Variants in NCAPD2 observed in about 807,000 individuals in gnomAD.
NCAPD2 encodes the protein non-SMC condensin I complex subunit D2.
In NCAPD2, 100 loss-of-function variants were observed where a neutral mutation model predicts 164.5. The ratio of observed to expected loss-of-function variants is 0.61; its 90% CI spans 0.52 to 0.72. The LOEUF (loss-of-function observed/expected upper bound fraction) is 0.72, where lower values mean the gene tolerates loss of function less well. NCAPD2 is among the 30% of genes least tolerant of loss of function. The pLI is 0.00. For synonymous variants in NCAPD2, 585 were observed against 642.6 expected, an observed-to-expected ratio of 0.91 and a Z score of 1.36; for missense variants, 1,560 against 1,749.2, an observed-to-expected ratio of 0.89 and a Z score of 1.93.
At chr12:6,523,398 G>GGT (rs758507718) in intron 17 of NCAPD2, 52 bp downstream of exon 17, 16 of 871,554 alleles carry the variant, frequency 1.8e-5, no homozygotes, top group Non-Finnish European at 2.5e-5. Context: ...TATTTTGGTT[G>GGT]TTTTTTTTTT....
chr12:6,528,159 C>T lies in NCAPD2; in HGVS notation c.3144-14C>T. 1.2e-6 allele frequency: 2 copies of T among 1,614,214 alleles called. No individual in the cohort carries two copies. Among genetic ancestry groups the T allele is most frequent in the Non-Finnish European group, 1.7e-6 (2 of 1,180,040 alleles). The stretch of plus-strand genomic sequence containing the variant: ...ATGAAATGGCTTCCCTAATGATCCT[C>T]TTCTTGCTCTTAGTGCCACTTTCTG... On this transcript the variant is annotated splice_polypyrimidine_tract_variant and intron_variant, in intron 24 of 31. Transcript: ENST00000315579. The surrounding 1 kb of genome is among the most constrained non-coding windows in gnomAD (Gnocchi z 5.1).
Position 6,517,381 on chromosome 12 carries a change from G to A in NCAPD2, c.1202G>A (p.Arg401His), listed in dbSNP as rs745684361. The A allele has an allele frequency of 1.1e-5, 18 of 1,613,998 alleles. No individual in the cohort carries two copies. The highest frequency in any genetic ancestry group is 5.3e-5 in the African/African-American group (4 of 74,926). ...CCTACACAGGCTCTCCCCCTGACAC[G>A]TTTCCAGGCAGTGGTGGCTTTAGCT... ...IVQQKALPLT[R>H]FQAVVALAVG... The change falls in exon 11 of 32, where the codon CGT becomes CAT. Residue 401 changes from arginine (R) to histidine (H), a missense_variant. Arg to His is a conservative substitution (Grantham distance 29). Coordinates refer to ENST00000315579, the MANE Select transcript of NCAPD2 (RefSeq NM_014865.4).
Position 6,527,906 on chromosome 12 carries a change from A to G in NCAPD2, c.3019+18A>G. 1 of 1,613,892 alleles carries G rather than the reference A, an allele frequency of 6.2e-7. No homozygotes were observed. Among genetic ancestry groups the G allele is most frequent in the Non-Finnish European group, 8.5e-7 (1 of 1,179,788 alleles). On this transcript the variant is annotated intron_variant, in intron 23 of 31. Transcript: ENST00000315579. ...GTTGGATGGTAAGAAAAATGGCTGCACTCAGCAGTTTCTTCCCAATTAAGA... is the reference window on the plus strand; with the variant it reads ...GTTGGATGGTAAGAAAAATGGCTGCGCTCAGCAGTTTCTTCCCAATTAAGA...
At chr12:6,510,044 G>A (rs746332966) in intron 3 of NCAPD2, 31 bp from the exon 4 acceptor site, 1 of 1,606,288 alleles carries the variant, frequency 6.2e-7, no homozygotes, top group Non-Finnish European at 8.5e-7. Flanking sequence ...GCTCCTTCCT[G>A]TCTCACCCCC....
chr12:6,528,516 T>C lies in NCAPD2; in HGVS notation c.3300-163T>C. 1.8e-6 allele frequency: 2 copies of C among 1,128,872 alleles called. No individual in the cohort carries two copies. The highest frequency in any genetic ancestry group is 1.5e-5 in the South Asian group (1 of 67,178). 69.9% of individuals were successfully genotyped at this position (1,128,872 alleles called of 1,614,324 possible). On this transcript the variant is annotated intron_variant, in intron 25 of 31. Transcript: ENST00000315579. This position sits in a 1 kb window ranked among gnomAD's most constrained non-coding sequence, Gnocchi z 5.1. Reference sequence around the variant, plus strand: ...GGGACTGACACTTCTGGTTAGAAGCTTCACCTCTTTCCCCCACTCCAGCTT... The same window carrying C: ...GGGACTGACACTTCTGGTTAGAAGCCTCACCTCTTTCCCCCACTCCAGCTT...
chr12:6,522,325 C>T (rs1946271634), intron 15 of NCAPD2, among the ~76,000 whole-genome samples: 1 of 150,430 alleles, frequency 6.6e-6, no homozygotes, highest in Non-Finnish European at 1.5e-5. Flanking sequence ...ATGGCTCATG[C>T]CTGTAATCCC....
At position 6,531,443 on chromosome 12, in the gene NCAPD2, T is replaced by C; in HGVS notation, c.*31T>C. The C allele has an allele frequency of 6.2e-7, 1 of 1,611,244 alleles. No homozygotes were observed. Among genetic ancestry groups the C allele is most frequent in the Non-Finnish European group, 8.5e-7 (1 of 1,179,064 alleles). On this transcript the variant is annotated 3_prime_UTR_variant, in exon 32 of 32. Transcript: ENST00000315579. The surrounding 1 kb of genome is among the most constrained non-coding windows in gnomAD (Gnocchi z 4.1). ...CTGTTCCTGTCCTCCCTGTGCAGGGTATCCTGTAGGGTGACCTGGAATTCG... is the reference window on the plus strand; with the variant it reads ...CTGTTCCTGTCCTCCCTGTGCAGGGCATCCTGTAGGGTGACCTGGAATTCG...
At chr12:6,525,814 C>T in intron 18 of NCAPD2, 98 bp downstream of exon 18, 2 of 1,485,958 alleles carry the variant, frequency 1.3e-6, no homozygotes, top group Admixed American at 4.1e-5. Context: ...TGAGGCCCAA[C>T]TGAGCTCTGC....
intron 13 of NCAPD2, among the ~76,000 whole-genome samples, chr12:6,518,429 C>G (rs1265101924): frequency 1.4e-5 from 2 of 144,868 alleles, no homozygotes; most frequent in Non-Finnish European, 3.0e-5. Context: ...GAATCCTGAT[C>G]TTAGAGAAAA....
At chr12:6,502,320 T>G (rs185876408) in intron 2 of NCAPD2, among the ~76,000 whole-genome samples, 1 of 152,130 alleles carries the variant, frequency 6.6e-6, no homozygotes, top group Non-Finnish European at 1.5e-5. Flanking sequence ...GTTTCCTCAA[T>G]AGGAAGGGAA....
intron 2 of NCAPD2, among the ~76,000 whole-genome samples, chr12:6,504,593 T>C (rs958461746): frequency 6.6e-6 from 1 of 152,118 alleles, no homozygotes; most frequent in Admixed American, 6.6e-5. Context: ...GGTTTCACCA[T>C]GTTGGCCAGG....
At position 6,514,834 on chromosome 12, in the gene NCAPD2, G is replaced by T. The variant is rs1192467161; in HGVS notation, c.901G>T (p.Ala301Ser). 1 of 1,614,222 alleles carries T rather than the reference G, an allele frequency of 6.2e-7. No individual in the cohort carries two copies. Among genetic ancestry groups the T allele is most frequent in the Non-Finnish European group, 8.5e-7 (1 of 1,180,042 alleles). ...AGACCCTTCAGGGACAAAGGGCTTTGCAGCATTCCTGACAGAACTAGCAGA... is the reference window on the plus strand; with the variant it reads ...AGACCCTTCAGGGACAAAGGGCTTTTCAGCATTCCTGACAGAACTAGCAGA... Reference protein sequence around the residue: ...SRDPSGTKGFAAFLTELAERV... With the variant: ...SRDPSGTKGFSAFLTELAERV... The change falls in exon 9 of 32, where the codon GCA becomes TCA. Residue 301 changes from alanine (A) to serine (S), a missense_variant. Transcript: ENST00000315579.
intron 2 of NCAPD2, among the ~76,000 whole-genome samples, chr12:6,504,786 C>G (rs763459481): frequency 1.3e-5 from 2 of 152,138 alleles, no homozygotes; most frequent in African/African-American, 4.8e-5. Flanking sequence ...AAGGAAAATA[C>G]ATGTTCAGTA....
chr12:6,517,722 G>A, intron 12 of NCAPD2, 39 bp downstream of exon 12: 1 of 1,614,090 alleles, frequency 6.2e-7, no homozygotes, highest in African/African-American at 1.3e-5. Flanking sequence ...TGCCAGACAG[G>A]CTTCTCCTTG....
Position 6,530,983 on chromosome 12 carries a change from C to G in NCAPD2, c.4027C>G (p.Arg1343Gly), listed in dbSNP as rs759914474. The change falls in exon 31 of 32, where the codon CGC (arginine) becomes GGC (glycine). Residue 1343 changes from arginine (R) to glycine (G), a missense_variant. Transcript: ENST00000315579. ...CAATGACTTTGTCACACCAGAGCCC[C>G]GCCGTACTACCCGTCGGCATCCAAA... The part of the protein sequence containing the change: ...SDNDFVTPEP[R>G]RTTRRHPNTQ... The G allele has an allele frequency of 6.2e-7, 1 of 1,614,066 alleles. No homozygotes were observed. The highest frequency in any genetic ancestry group is 8.5e-7 in the Non-Finnish European group (1 of 1,180,040).
chr12:6,511,752 C>T (rs541807994), intron 6 of NCAPD2, among the ~76,000 whole-genome samples: 3 of 151,890 alleles, frequency 2.0e-5, no homozygotes, highest in South Asian at 2.1e-4. Context: ...GAGGCCGAGG[C>T]GAGTGGATCA....
chr12:6,531,454 G>A lies in NCAPD2; in HGVS notation c.*42G>A, dbSNP rs1467481818. 6.2e-7 allele frequency: 1 copy of A among 1,608,098 alleles called. No individual in the cohort carries two copies. Among genetic ancestry groups the A allele is most frequent in the South Asian group, 1.1e-5 (1 of 90,210 alleles). On this transcript the variant is annotated 3_prime_UTR_variant, in exon 32 of 32. Transcript: ENST00000315579. The surrounding 1 kb of genome is among the most constrained non-coding windows in gnomAD (Gnocchi z 4.1). ...CTCCCTGTGCAGGGTATCCTGTAGG[G>A]TGACCTGGAATTCGAATTCTGTTTC...
Position 6,523,166 on chromosome 12 carries a change from A to G in NCAPD2, c.2130-96A>G, listed in dbSNP as rs1258575760. 3 of 1,462,716 alleles carry G rather than the reference A, an allele frequency of 2.1e-6. No homozygotes were observed. In the African/African-American group the frequency reaches 4.2e-5, roughly 21 times the overall value. 90.6% of individuals were successfully genotyped at this position (1,462,716 alleles called of 1,614,324 possible). A position where few individuals can be genotyped will look rare whatever the true frequency, so the allele number is the denominator to read the frequency against. On this transcript the variant is annotated intron_variant, in intron 16 of 31. Coordinates refer to ENST00000315579, the MANE Select transcript of NCAPD2 (RefSeq NM_014865.4). Reference sequence around the variant, plus strand: ...GTGGGGCTCGGTTTCCAGGGAGAGCAGTTTTGTAGCACTGTGGTGGGATAG... The same window carrying G: ...GTGGGGCTCGGTTTCCAGGGAGAGCGGTTTTGTAGCACTGTGGTGGGATAG...
chr12:6,530,459 C>G (rs1946360614), intron 29 of NCAPD2, among the ~76,000 whole-genome samples: 1 of 152,160 alleles, frequency 6.6e-6, no homozygotes, highest in African/African-American at 2.4e-5. Flanking sequence ...CTTACAAATC[C>G]CCTGCACTCC....
Sources: gnomAD v4.1 joint callset for allele counts (sites outside exome capture counted in the v4.1 genomes callset) on GRCh38, gnomAD v4.1.1 for gene constraint, Gnocchi (gnomAD v3.1) non-coding constraint, MANE v1.5 for transcripts, NCBI Gene and HGNC (gene_info 2026-07-23, HGNC 2026-07-21) for gene names.